Variants in DGKB observed in about 807,000 individuals in gnomAD.
DGKB encodes 90 kDa diacylglycerol kinase.
DGKB carries 67 observed loss-of-function variants against 114.3 expected under a neutral mutation model. The observed-to-expected ratio is 0.59, with a 90% confidence interval of 0.48 to 0.72. The LOEUF is 0.72. DGKB is among the 30% of genes least tolerant of loss of function. DGKB has a pLI of 0.00. For missense variants in DGKB, 907 were observed against 975.2 expected (o/e 0.93, Z 0.93); for synonymous variants, 398 against 323.1 (o/e 1.23, Z -2.49).
chr7:14,750,182 C>T (rs1405272120), intron 4 of DGKB: 2 of 517,548 alleles, frequency 3.9e-6, no homozygotes, highest in Non-Finnish European at 7.7e-6. Context: ...ATAAATATTT[C>T]TAGCTTCAAT....
chr7:14,964,652 G>C (rs1787050695), intron 1 of DGKB, among the ~76,000 whole-genome samples: 1 of 152,188 alleles, frequency 6.6e-6, no homozygotes, highest in South Asian at 2.1e-4. Context: ...TTGTAAACAG[G>C]AGTTGGGCTA....
chr7:14,897,167 A>T (rs559169604), intron 1 of DGKB, among the ~76,000 whole-genome samples: 115 of 152,072 alleles, frequency 7.6e-4, no homozygotes, highest in African/African-American at 2.7e-3. Flanking sequence ...TTTAAAAAAA[A>T]TTGTATTTGG....
At position 14,212,440 on chromosome 7, in the gene DGKB, A is replaced by ATGTTTTGTGATTTTACTCTCG. The variant is rs146804723; in HGVS notation, c.2123-34290_2123-34289insCGAGAGTAAAATCACAAAACA. ...CTCGTGTTTTGTGATATTTACTCTC[A>ATGTTTTGTGATTTTACTCTCG]TGTTTTGTGTTCCTCTACATCTCTG... is the stretch of plus-strand genomic sequence containing the variant. On this transcript the variant is annotated intron_variant, in intron 23 of 25. Coordinates refer to ENST00000402815, the MANE Select transcript of DGKB (RefSeq NM_001350709.2). 2.7e-4 allele frequency among the ~76,000 whole-genome samples: 29 copies of ATGTTTTGTGATTTTACTCTCG among 107,310 alleles called. 8 individuals carry two copies. Among genetic ancestry groups the ATGTTTTGTGATTTTACTCTCG allele is most frequent in the Non-Finnish European group, 5.0e-4 (22 of 43,650 alleles). 70.4% of individuals were successfully genotyped at this position (107,310 alleles called of 152,430 possible).
At chr7:14,164,135 A>C (rs1374772250) in intron 25 of DGKB, among the ~76,000 whole-genome samples, 1 of 152,152 alleles carries the variant, frequency 6.6e-6, no homozygotes, top group Non-Finnish European at 1.5e-5. Context: ...TTCTAGGCAC[A>C]TCAGGAAAAT....
chr7:14,956,611 C>T (rs1310236333), intron 1 of DGKB, among the ~76,000 whole-genome samples: 2 of 152,006 alleles, frequency 1.3e-5, no homozygotes, highest in Non-Finnish European at 2.9e-5. Flanking sequence ...ATGAATAAGA[C>T]AGCTTCTTAA....
intron 2 of DGKB, among the ~76,000 whole-genome samples, chr7:14,773,933 C>T (rs1488541464): frequency 2.0e-5 from 3 of 152,058 alleles, no homozygotes; most frequent in Non-Finnish European, 4.4e-5. Context: ...GAAAAAGGCT[C>T]CTACACAATA....
chr7:14,892,149 T>C (rs1781337484), intron 1 of DGKB, among the ~76,000 whole-genome samples: 1 of 151,258 alleles, frequency 6.6e-6, no homozygotes, highest in South Asian at 2.1e-4. Context: ...AGCTACTGGA[T>C]ATTGGTGGGA....
At chr7:14,266,483 T>C (rs1797533147) in intron 23 of DGKB, among the ~76,000 whole-genome samples, 1 of 152,212 alleles carries the variant, frequency 6.6e-6, no homozygotes, top group African/African-American at 2.4e-5. Context: ...TGACTAATTC[T>C]TAGAAGAGCA....
At chr7:14,971,245 T>G (rs1787447191) in intron 1 of DGKB, among the ~76,000 whole-genome samples, 1 of 152,168 alleles carries the variant, frequency 6.6e-6, no homozygotes, top group South Asian at 2.1e-4. Context: ...GCTGGAGAAT[T>G]CTTGGGCTCA....
chr7:14,244,453 A>C (rs374511195), intron 23 of DGKB, among the ~76,000 whole-genome samples: 14 of 151,806 alleles, frequency 9.2e-5, no homozygotes, highest in African/African-American at 3.1e-4. Flanking sequence ...TCAGGAGATC[A>C]AGATCATCCT....
intron 17 of DGKB, among the ~76,000 whole-genome samples, chr7:14,592,040 A>G (rs1801789638): frequency 6.6e-6 from 1 of 151,860 alleles, no homozygotes. Context: ...TATCGCTTAC[A>G]TACAATGTGG....
intron 1 of DGKB, among the ~76,000 whole-genome samples, chr7:14,884,176 A>G (rs553479813): frequency 6.6e-6 from 1 of 152,004 alleles, no homozygotes; most frequent in Non-Finnish European, 1.5e-5. Flanking sequence ...TATGCAAACG[A>G]AAGAATTCAG....
chr7:14,672,561 T>C (rs974205631), intron 13 of DGKB, among the ~76,000 whole-genome samples: 1 of 152,054 alleles, frequency 6.6e-6, no homozygotes, highest in East Asian at 1.9e-4. Flanking sequence ...ATTGCAGATA[T>C]ATAATGTGCA....
chr7:14,810,342 T>C (rs1481454917), intron 2 of DGKB, among the ~76,000 whole-genome samples: 1 of 151,942 alleles, frequency 6.6e-6, no homozygotes, highest in African/African-American at 2.4e-5. Context: ...TGGTTTAAAC[T>C]TGACTCTCAT....
intron 22 of DGKB, among the ~76,000 whole-genome samples, chr7:14,344,943 A>C (rs536824022): frequency 9.9e-5 from 15 of 151,854 alleles, no homozygotes; most frequent in African/African-American, 3.6e-4. Flanking sequence ...AGGTTACAAG[A>C]TATTGAGACC....
chr7:14,313,688 G>A (rs994386630), intron 23 of DGKB, among the ~76,000 whole-genome samples: 51 of 152,108 alleles, frequency 3.4e-4, no homozygotes, highest in Admixed American at 1.3e-3. Flanking sequence ...ACTGCAAGGC[G>A]GCAGCGAGGC....
At chr7:14,703,304 T>G (rs1275731521) in intron 6 of DGKB, among the ~76,000 whole-genome samples, 2 of 152,204 alleles carry the variant, frequency 1.3e-5, no homozygotes, top group Non-Finnish European at 2.9e-5. Context: ...AAAATGACCA[T>G]TTCACGTCGC....
intron 6 of DGKB, among the ~76,000 whole-genome samples, chr7:14,714,183 A>G (rs568253652): frequency 1.3e-5 from 2 of 151,994 alleles, no homozygotes; most frequent in African/African-American, 4.8e-5. Flanking sequence ...TTCATGATGC[A>G]GGGTAAGCCT....
At chr7:14,227,035 C>A (rs148395526) in intron 23 of DGKB, among the ~76,000 whole-genome samples, 189 of 152,054 alleles carry the variant, frequency 1.2e-3, no homozygotes, top group African/African-American at 4.3e-3. Flanking sequence ...CCGCACCAGG[C>A]AAGAATCTCA....
Sources: allele counts gnomAD v4.1 joint callset (sites outside exome capture counted in the v4.1 genomes callset), GRCh38; gene constraint gnomAD v4.1.1; transcripts MANE v1.5; gene names NCBI Gene and HGNC (gene_info 2026-07-23, HGNC 2026-07-21).